Variants in PRORP observed in about 807,000 individuals in gnomAD.
PRORP encodes the protein protein only RNase P catalytic subunit, also known as mitochondrial ribonuclease P catalytic subunit.
In PRORP, 51 loss-of-function variants were observed where a neutral mutation model predicts 59.4. The observed-to-expected ratio is 0.86, with a 90% CI of 0.69 to 1.08. The LOEUF (loss-of-function observed/expected upper bound fraction) is 1.08, where lower values mean the gene tolerates loss of function less well. PRORP is among the 50% of genes least tolerant of loss of function. The pLI is 0.00. For synonymous variants in PRORP, 231 were observed against 245.6 expected (o/e 0.94, Z 0.55); for missense variants, 646 against 690.3 (o/e 0.94, Z 0.72).
intron 4 of PRORP, among the ~76,000 whole-genome samples, chr14:35,135,990 G>A (rs1807162): frequency 0.11 from 16,779 of 151,118 alleles, 1,027 homozygotes; most frequent in Middle Eastern, 0.17. Flanking sequence ...TTAAGCAAAA[G>A]TATGATATGT....
chr14:35,190,536 T>C (rs2048857296), intron 5 of PRORP, among the ~76,000 whole-genome samples: 1 of 152,152 alleles, frequency 6.6e-6, no homozygotes, highest in Non-Finnish European at 1.5e-5. Flanking sequence ...GATGGAGTCT[T>C]GCTCTGTCAC....
At chr14:35,255,100 C>A (rs2050716377) in intron 5 of PRORP, among the ~76,000 whole-genome samples, 1 of 152,060 alleles carries the variant, frequency 6.6e-6, no homozygotes, top group Non-Finnish European at 1.5e-5. Context: ...ACTGCAAAGA[C>A]CTTGAGGTTA....
chr14:35,174,513 G>C (rs778760514), intron 4 of PRORP, among the ~76,000 whole-genome samples: 2 of 151,956 alleles, frequency 1.3e-5, no homozygotes, highest in Non-Finnish European at 2.9e-5. Context: ...AAACTGCTAG[G>C]CATGTAGTAG....
chr14:35,211,195 G>A (rs889381089), intron 5 of PRORP, among the ~76,000 whole-genome samples: 1 of 151,554 alleles, frequency 6.6e-6, no homozygotes, highest in African/African-American at 2.4e-5. Flanking sequence ...ACTGGTGAAC[G>A]TTTTTTAGTG....
intron 5 of PRORP, among the ~76,000 whole-genome samples, chr14:35,210,088 G>T (rs1455916869): frequency 6.6e-6 from 1 of 152,106 alleles, no homozygotes; most frequent in East Asian, 1.9e-4. Context: ...CAGTAAAATT[G>T]TTCTGTATCC....
At chr14:35,184,202 C>T (rs1351569698) in intron 5 of PRORP, among the ~76,000 whole-genome samples, 2 of 151,916 alleles carry the variant, frequency 1.3e-5, no homozygotes, top group Non-Finnish European at 2.9e-5. Flanking sequence ...TGGAATAGCA[C>T]CATTATCACA....
intron 5 of PRORP, among the ~76,000 whole-genome samples, chr14:35,263,582 G>A (rs1349976856): frequency 6.6e-6 from 1 of 152,170 alleles, no homozygotes; most frequent in Non-Finnish European, 1.5e-5. Context: ...AAGGTACTCA[G>A]GAGGCTGAGG....
intron 4 of PRORP, among the ~76,000 whole-genome samples, chr14:35,140,304 C>T (rs369616338): frequency 6.9e-6 from 1 of 145,008 alleles, no homozygotes; most frequent in Admixed American, 7.2e-5. Flanking sequence ...TTTACATTTC[C>T]ACCAGCAGAG....
At chr14:35,261,719 ACT>A (rs1324708992) in intron 5 of PRORP, among the ~76,000 whole-genome samples, 5 of 151,348 alleles carry the variant, frequency 3.3e-5, no homozygotes, top group Admixed American at 1.3e-4. Context: ...ACAGAGCGAG[ACT>A]CTGTCTCAAA....
chr14:35,228,418 A>G (rs1469774554), intron 5 of PRORP, among the ~76,000 whole-genome samples: 1 of 152,226 alleles, frequency 6.6e-6, no homozygotes, highest in Non-Finnish European at 1.5e-5. Flanking sequence ...TAGTGAACAT[A>G]GTACCCAATA....
intron 4 of PRORP, among the ~76,000 whole-genome samples, chr14:35,177,022 C>G (rs1413816255): frequency 6.6e-6 from 1 of 152,108 alleles, no homozygotes; most frequent in Non-Finnish European, 1.5e-5. Flanking sequence ...GTCTTTGGTT[C>G]TGTTTATATG....
chr14:35,193,193 C>T (rs2139094147), intron 5 of PRORP, among the ~76,000 whole-genome samples: 1 of 152,294 alleles, frequency 6.6e-6, no homozygotes, highest in African/African-American at 2.4e-5. Context: ...TTTAGTTAAT[C>T]ATGCTAGTTC....
At chr14:35,210,638 C>T (rs988798495) in intron 5 of PRORP, among the ~76,000 whole-genome samples, 3 of 150,126 alleles carry the variant, frequency 2.0e-5, no homozygotes, top group African/African-American at 7.4e-5. Flanking sequence ...GCTAGAAATA[C>T]CTAAGTCACC....
chr14:35,172,500 C>CTCTCCCTCTCTCCCTCTCTCCT (rs1566474624), intron 4 of PRORP, among the ~76,000 whole-genome samples: 12 of 94,508 alleles, frequency 1.3e-4, no homozygotes, highest in South Asian at 3.3e-4. Flanking sequence ...TCCTCTCTCC[C>CTCTCCCTCTCTCCCTCTCTCCT]TCTCTCCCTC....
intron 5 of PRORP, among the ~76,000 whole-genome samples, chr14:35,224,837 TTAGACAGTTGG>T (rs1566508690): frequency 6.6e-6 from 1 of 152,238 alleles, no homozygotes; most frequent in Non-Finnish European, 1.5e-5. Flanking sequence ...AGGATTCAAA[TTAGACAGTTGG>T]TGTCTAGCTC....
At chr14:35,162,085 T>C (rs1231233564) in intron 4 of PRORP, among the ~76,000 whole-genome samples, 1 of 152,134 alleles carries the variant, frequency 6.6e-6, no homozygotes, top group Admixed American at 6.5e-5. Context: ...TCTTTCTAGC[T>C]GTATGGAATG....
chr14:35,158,115 T>C lies in PRORP; in HGVS notation c.1168-22555T>C, dbSNP rs1595209748. The stretch of plus-strand genomic sequence containing the variant: ...AGTTTTTGAACTTTTTTTTTTTACC[T>C]TCATTTCAAACACCTGCTCCATTTC... On this transcript the variant is annotated intron_variant, in intron 4 of 7. Coordinates refer to ENST00000534898, the MANE Select transcript of PRORP (RefSeq NM_014672.4). The C allele has an allele frequency of 1.1e-5, 3 of 274,444 alleles. No homozygotes were observed. In the East Asian group the frequency reaches 2.2e-4, roughly 20 times the overall value. The allele number at this position is 274,444 out of a possible 1,614,324, so 17.0% of individuals were successfully genotyped here. A position where few individuals can be genotyped will look rare whatever the true frequency, so the allele number is the denominator to read the frequency against.
intron 5 of PRORP, among the ~76,000 whole-genome samples, chr14:35,247,905 G>C (rs2050521992): frequency 6.6e-6 from 1 of 152,174 alleles, no homozygotes; most frequent in Admixed American, 6.5e-5. Context: ...CTTCTAGACA[G>C]CTTTGACTCT....
intron 5 of PRORP, among the ~76,000 whole-genome samples, chr14:35,205,546 T>A (rs1379177281): frequency 6.6e-6 from 1 of 152,178 alleles, no homozygotes; most frequent in African/African-American, 2.4e-5. Context: ...GGTCTCGAAC[T>A]CCTGGGCTCA....
Sources: allele counts gnomAD v4.1 joint callset (sites outside exome capture counted in the v4.1 genomes callset), GRCh38; gene constraint gnomAD v4.1.1; transcripts MANE v1.5; gene names NCBI Gene and HGNC (gene_info 2026-07-23, HGNC 2026-07-21).